FUT2: variants seen among roughly 807,000 people sequenced by gnomAD.
The protein encoded by FUT2 is fucosyltransferase 2 (H blood group).
For synonymous variants in FUT2, 182 were observed against 193.1 expected (o/e 0.94, Z 0.48); for missense variants, 419 against 465.8 (o/e 0.90, Z 0.93).
At chr19:48,696,923 C>T (rs898424372) in intron 1 of FUT2, among the ~76,000 whole-genome samples, 13 of 152,010 alleles carry the variant, frequency 8.6e-5, no homozygotes, top group African/African-American at 2.2e-4. Flanking sequence ...TGTGCGGGGC[C>T]GGCGAGAGAC....
At chr19:48,697,345 CAAAAAAAAAAA>C (rs71179033) in intron 1 of FUT2, among the ~76,000 whole-genome samples, 1 of 98,384 alleles carries the variant, frequency 1.0e-5, no homozygotes, top group African/African-American at 4.1e-5. Context: ...AACTCCGTCT[CAAAAAAAAAAA>C]AAAAAAAAAA....
chr19:48,702,861 C>A, intron 1 of FUT2, 94 bp from the exon 2 acceptor site: 3 of 1,175,652 alleles, frequency 2.6e-6, no homozygotes, highest in Non-Finnish European at 3.8e-6. Context: ...CACACACACC[C>A]ACACTATGCC....
intron 1 of FUT2, chr19:48,696,602 C>T (rs1183222166): frequency 6.6e-6 from 1 of 152,252 alleles, no homozygotes; most frequent in African/African-American, 2.4e-5. Flanking sequence ...CGCTCTGAAT[C>T]ACCGCTTCTG....
chr19:48,696,611 T>C (rs995312451), intron 1 of FUT2: 4 of 152,230 alleles, frequency 2.6e-5, no homozygotes. Context: ...TCACCGCTTC[T>C]GTTCTGGGTC....
rs2032600363 is a variant in FUT2 at position 48,704,492 on chromosome 19, A to G, written c.*504A>G. 1 of 412,204 alleles carries G rather than the reference A, an allele frequency of 2.4e-6. No homozygotes were observed. The highest frequency in any genetic ancestry group is 4.5e-6 in the Non-Finnish European group (1 of 223,220). 25.5% of individuals were successfully genotyped at this position (412,204 alleles called of 1,614,324 possible). ...CAAAGACCATAATCATGCATATCAC[A>G]TAAGACCAGAAGTGGCCCAGGTCCA... On this transcript the variant is annotated 3_prime_UTR_variant, in exon 2 of 2. Transcript: ENST00000425340.
chr19:48,699,946 G>A (rs1227824238), intron 1 of FUT2, among the ~76,000 whole-genome samples: 1 of 151,786 alleles, frequency 6.6e-6, no homozygotes, highest in East Asian at 2.0e-4. Context: ...TTGAGGTCAG[G>A]AGTTTGAGAC....
rs777828783 is a variant in FUT2, at chr19:48,703,480, G to A, written c.524G>A (p.Arg175Gln). The A allele has an allele frequency of 5.0e-5, 80 of 1,612,786 alleles. No individual in the cohort carries two copies. Among genetic ancestry groups the A allele is most frequent in the Non-Finnish European group, 3.9e-5 (46 of 1,179,964 alleles). Residue 175 changes from arginine (R) to glutamine (Q), a missense_variant, in exon 2 of 2, where the codon CGG (arginine) becomes CAG (glutamine). Arg to Gln is a conservative substitution (Grantham distance 43). Transcript: ENST00000425340. ...GAGTTCACCCTGCACGACCACGTGC[G>A]GGAGGAGGCCCAGAAGTTCCTGCGG... ...LQEFTLHDHVREEAQKFLRGL... is the reference protein window; with the variant it reads ...LQEFTLHDHVQEEAQKFLRGL...
At chr19:48,697,028 G>A (rs2032423427) in intron 1 of FUT2, among the ~76,000 whole-genome samples, 1 of 152,000 alleles carries the variant, frequency 6.6e-6, no homozygotes, top group Non-Finnish European at 1.5e-5. Context: ...AGAGGGGAGA[G>A]GAGGAAGCCG....
chr19:48,704,148 G>A lies in FUT2; in HGVS notation c.*160G>A, dbSNP rs551728977. On this transcript the variant is annotated 3_prime_UTR_variant, in exon 2 of 2. Transcript: ENST00000425340. The stretch of plus-strand genomic sequence containing the variant: ...AAATCTCAGTGAACAGTGGCCTGGC[G>A]TGGTGGCTCATGCCTGTAATGCTCG... The A allele has an allele frequency of 6.7e-5, 53 of 795,114 alleles. No homozygotes were observed. The highest frequency in any genetic ancestry group is 1.0e-4 in the Admixed American group (5 of 49,270). The allele number at this position is 795,114 out of a possible 1,614,324, so 49.3% of individuals were successfully genotyped here.
chr19:48,703,699 G>C lies in FUT2; in HGVS notation c.743G>C (p.Trp248Ser), dbSNP rs756195510. ...IFVVTSNGMA[W>S]CRENIDTSHG... ...GTGGTCACCAGTAATGGCATGGCCT[G>C]GTGTCGGGAGAACATTGACACCTCC... The change falls in exon 2 of 2, where the codon TGG becomes TCG. Residue 248 changes from tryptophan (W) to serine (S), a missense_variant. Coordinates refer to ENST00000425340, the MANE Select transcript of FUT2 (RefSeq NM_000511.6). 1 of 1,613,694 alleles carries C rather than the reference G, an allele frequency of 6.2e-7. No homozygotes were observed.
At chr19:48,700,085 G>A (rs570349623) in intron 1 of FUT2, among the ~76,000 whole-genome samples, 7 of 149,538 alleles carry the variant, frequency 4.7e-5, no homozygotes, top group African/African-American at 9.8e-5. Flanking sequence ...CCCAGGAGGC[G>A]GAGGTTGCAG....
rs1432590566 is a variant in FUT2, at chr19:48,703,591, T to C, written c.635T>C (p.Val212Ala). 7 of 1,613,278 alleles carry C rather than the reference T, an allele frequency of 4.3e-6. No individual in the cohort carries two copies. Among genetic ancestry groups the C allele is most frequent in the African/African-American group, 2.7e-5 (2 of 74,980 alleles). The change falls in exon 2 of 2, where the codon GTG becomes GCG. Residue 212 changes from valine (V) to alanine (A), a missense_variant. Coordinates refer to ENST00000425340, the MANE Select transcript of FUT2 (RefSeq NM_000511.6). ...GACTATGTCCATGTCATGCCAAAAG[T>C]GTGGAAGGGGGTGGTGGCCGACCGG... is the stretch of plus-strand genomic sequence containing the variant. Reference protein sequence around the residue: ...RGDYVHVMPKVWKGVVADRRY... With the variant: ...RGDYVHVMPKAWKGVVADRRY...
rs1358965172 is a variant in FUT2 at position 48,704,935 on chromosome 19, C to T, written c.*947C>T. 2.4e-6 allele frequency: 1 copy of T among 411,702 alleles called. No individual in the cohort carries two copies. Among genetic ancestry groups the T allele is most frequent in the Non-Finnish European group, 4.4e-6 (1 of 225,710 alleles). 25.5% of individuals were successfully genotyped at this position (411,702 alleles called of 1,614,324 possible). A position where few individuals can be genotyped will look rare whatever the true frequency, so the allele number is the denominator to read the frequency against. On this transcript the variant is annotated 3_prime_UTR_variant, in exon 2 of 2. Coordinates refer to ENST00000425340, the MANE Select transcript of FUT2 (RefSeq NM_000511.6). ...TTACCAAGGTGAAAAGGGGAAATGG[C>T]TTTAGAGTAGACAACAGAGATGCCC... is the stretch of plus-strand genomic sequence containing the variant.
Position 48,703,436 on chromosome 19 carries a change from C to A in FUT2, c.480C>A (p.Leu160=). 6.2e-7 allele frequency: 1 copy of A among 1,612,930 alleles called. No individual in the cohort carries two copies. Among genetic ancestry groups the A allele is most frequent in the East Asian group, 2.2e-5 (1 of 44,884 alleles). The change falls in exon 2 of 2, where the codon CTC becomes CTA. Residue 160 remains leucine, a synonymous_variant. Transcript: ENST00000425340. ...YPCSWTFYHH[L]RQEILQEFTL... Reference sequence around the variant, plus strand: ...GCTCCTGGACCTTCTACCACCACCTCCGCCAGGAGATCCTCCAGGAGTTCA... The same window carrying A: ...GCTCCTGGACCTTCTACCACCACCTACGCCAGGAGATCCTCCAGGAGTTCA...
rs532253708 is a variant in FUT2 at position 48,703,251 on chromosome 19, A to C, written c.295A>C (p.Met99Leu). 1.2e-6 allele frequency: 2 copies of C among 1,613,050 alleles called. No homozygotes were observed. Among genetic ancestry groups the C allele is most frequent in the South Asian group, 2.2e-5 (2 of 90,606 alleles). Residue 99 changes from methionine (M) to leucine (L), a missense_variant, in exon 2 of 2, where the codon ATG becomes CTG. Coordinates refer to ENST00000425340, the MANE Select transcript of FUT2 (RefSeq NM_000511.6). ...NGRPAFIPAQ[M>L]HSTLAPIFRI... ...GCGGCCCGCCTTCATCCCGGCCCAG[A>C]TGCACAGCACCCTGGCCCCCATCTT...
At chr19:48,697,227 C>T (rs1046819080) in intron 1 of FUT2, among the ~76,000 whole-genome samples, 3 of 151,790 alleles carry the variant, frequency 2.0e-5, no homozygotes, top group Non-Finnish European at 4.4e-5. Context: ...TGCCTGTAAT[C>T]CCAGCTACTC....
chr19:48,698,358 C>T (rs1375351894), intron 1 of FUT2, among the ~76,000 whole-genome samples: 1 of 152,026 alleles, frequency 6.6e-6, no homozygotes, highest in Non-Finnish European at 1.5e-5. Context: ...CAGCAGCCAC[C>T]TTCCTCCTTC....
At chr19:48,697,883 G>C (rs1418541480) in intron 1 of FUT2, among the ~76,000 whole-genome samples, 1 of 151,796 alleles carries the variant, frequency 6.6e-6, no homozygotes, top group African/African-American at 2.4e-5. Context: ...TAGTAGAAAT[G>C]GGGTTTCACC....
rs772567881 is a variant in FUT2, at chr19:48,703,641, T to C, written c.685T>C (p.Trp229Arg). The C allele has an allele frequency of 6.2e-7, 1 of 1,613,648 alleles. No homozygotes were observed. Among genetic ancestry groups the C allele is most frequent in the Admixed American group, 1.7e-5 (1 of 60,012 alleles). Residue 229 changes from tryptophan to arginine, a missense_variant, in exon 2 of 2, where the codon TGG (tryptophan) becomes CGG (arginine). Coordinates refer to ENST00000425340, the MANE Select transcript of FUT2 (RefSeq NM_000511.6). ...DRRYLQQALD[W>R]FRARYSSLIF... is the part of the protein sequence containing the mutation. ...GCGATACCTACAGCAGGCCCTGGAC[T>C]GGTTCCGAGCTCGCTACAGCTCCCT... is the stretch of plus-strand genomic sequence containing the variant.
Sources: gnomAD v4.1 joint callset for allele counts (sites outside exome capture counted in the v4.1 genomes callset) on GRCh38, gnomAD v4.1.1 for gene constraint, MANE v1.5 for transcripts, NCBI Gene and HGNC (gene_info 2026-07-23, HGNC 2026-07-21) for gene names.